The following CORO2B variants were observed in gnomAD, a reference collection of about 807,000 sequenced individuals.
CORO2B encodes the protein coronin 2B.
Under a neutral mutation model 58.8 loss-of-function variants are expected in CORO2B, and 26 were observed. That is an observed-to-expected ratio of 0.44 (90% CI 0.32 to 0.61). CORO2B has a LOEUF of 0.61. CORO2B is among the 20% of genes least tolerant of loss of function. CORO2B has a pLI of 0.04. For missense variants in CORO2B, 460 were observed against 645.1 expected (o/e 0.71, Z 3.11); for synonymous variants, 242 against 253.8 (o/e 0.95, Z 0.44).
chr15:68,543,936 T>C, the CORO2B span, among the ~76,000 whole-genome samples: 1 of 152,174 alleles, frequency 6.6e-6, no homozygotes, highest in Non-Finnish European at 1.5e-5. Context: ...ATCCTGGCCC[T>C]TACCTCTCTC....
chr15:68,725,815 C>T, intron 11 of CORO2B, 28 bp from the exon 12 acceptor site: 1 of 1,612,388 alleles, frequency 6.2e-7, no homozygotes, highest in South Asian at 1.1e-5. Context: ...CTGGGCCCTC[C>T]TTGGCCCCCT....
chr15:68,708,787 C>T (rs1892844831), intron 3 of CORO2B, among the ~76,000 whole-genome samples: 1 of 152,116 alleles, frequency 6.6e-6, no homozygotes, highest in South Asian at 2.1e-4. Context: ...TTAAGGGATC[C>T]TCCCACCTCA....
chr15:68,559,850 C>G, the CORO2B span, among the ~76,000 whole-genome samples: 2 of 152,234 alleles, frequency 1.3e-5, no homozygotes, highest in Non-Finnish European at 2.9e-5. This position sits in a 1 kb window ranked among gnomAD's most constrained non-coding sequence, Gnocchi z 4.3. Flanking sequence ...CAAACGCGCG[C>G]GCACGGAGAG....
chr15:68,702,145 A>T (rs893281005), intron 3 of CORO2B, among the ~76,000 whole-genome samples: 1 of 152,108 alleles, frequency 6.6e-6, no homozygotes, highest in African/African-American at 2.4e-5. Context: ...GGGCACGGGC[A>T]GGAGTGTGGA....
intron 3 of CORO2B, among the ~76,000 whole-genome samples, chr15:68,706,388 C>T (rs1448584576): frequency 3.9e-5 from 6 of 152,224 alleles, no homozygotes; most frequent in South Asian, 4.1e-4. Flanking sequence ...ACAGGCTCTC[C>T]GTCTGCATGC....
At chr15:68,557,529 C>T in the CORO2B span, among the ~76,000 whole-genome samples, 16 of 152,226 alleles carry the variant, frequency 1.1e-4, no homozygotes, top group African/African-American at 3.6e-4. Flanking sequence ...CAAGGTCATA[C>T]ATCTGGAAAA....
the CORO2B span, among the ~76,000 whole-genome samples, chr15:68,529,029 C>A: frequency 6.6e-6 from 1 of 152,194 alleles, no homozygotes; most frequent in African/African-American, 2.4e-5. Context: ...ATTAGTCTTT[C>A]TCTTTGCCTC....
At chr15:68,525,276 A>G in the CORO2B span, among the ~76,000 whole-genome samples, 3 of 152,256 alleles carry the variant, frequency 2.0e-5, no homozygotes, top group African/African-American at 7.2e-5. Context: ...GACGGGGGAC[A>G]GATACAAACT....
chr15:68,616,687 T>G (rs1049298419), intron 1 of CORO2B: 17 of 909,568 alleles, frequency 1.9e-5, no homozygotes, highest in Non-Finnish European at 2.2e-5. Flanking sequence ...AGATCTCCCA[T>G]GGGCGAGGGC....
At chr15:68,556,553 A>G in the CORO2B span, among the ~76,000 whole-genome samples, 1 of 152,234 alleles carries the variant, frequency 6.6e-6, no homozygotes, top group Admixed American at 6.5e-5. Flanking sequence ...TGAGGGTCGA[A>G]AGGACCCCCA....
At chr15:68,646,668 C>A (rs975645248) in intron 2 of CORO2B, among the ~76,000 whole-genome samples, 2 of 152,162 alleles carry the variant, frequency 1.3e-5, no homozygotes, top group African/African-American at 4.8e-5. Flanking sequence ...CCTCTCTGAC[C>A]CTTATTTTCC....
chr15:68,669,156 A>C (rs1902300805), intron 2 of CORO2B, among the ~76,000 whole-genome samples: 1 of 151,140 alleles, frequency 6.6e-6, no homozygotes. Context: ...AAAGAAAAAG[A>C]AAAGAAAGAA....
At chr15:68,650,999 A>T (rs1423826255) in intron 2 of CORO2B, among the ~76,000 whole-genome samples, 1 of 152,184 alleles carries the variant, frequency 6.6e-6, no homozygotes, top group East Asian at 1.9e-4. Flanking sequence ...CTCCCAGAGT[A>T]ACACCTGAAT....
At chr15:68,621,819 C>G (rs1900530297) in intron 1 of CORO2B, among the ~76,000 whole-genome samples, 1 of 148,570 alleles carries the variant, frequency 6.7e-6, no homozygotes, top group African/African-American at 2.5e-5. Flanking sequence ...GACAGTGGTG[C>G]AATCATGGGT....
chr15:68,529,732 T>C, the CORO2B span, among the ~76,000 whole-genome samples: 1 of 152,224 alleles, frequency 6.6e-6, no homozygotes, highest in Admixed American at 6.5e-5. Flanking sequence ...TTTCTAAAGA[T>C]GAAAGCTTAG....
At chr15:68,608,304 C>T (rs181166814) in intron 1 of CORO2B, among the ~76,000 whole-genome samples, 2 of 152,330 alleles carry the variant, frequency 1.3e-5, no homozygotes, top group East Asian at 3.9e-4. Flanking sequence ...AGCCCAGACC[C>T]GAACATTGGT....
At chr15:68,587,049 TACACACACACAC>T (rs58729813) in intron 1 of CORO2B, among the ~76,000 whole-genome samples, 2,357 of 57,884 alleles carry the variant, frequency 0.041, 84 homozygotes, top group African/African-American at 0.1. Flanking sequence ...GAGATATGTA[TACACACACACAC>T]ACACACACAC....
rs560360498 is a variant in CORO2B, at chr15:68,579,945, A to C, written c.15+668A>C. On this transcript the variant is annotated intron_variant, in intron 1 of 11. Coordinates refer to ENST00000261861, the MANE Select transcript of CORO2B (RefSeq NM_006091.5). ...GGCCTTGTCATAGGGGCCCACGTTT[A>C]TTGGAGAGACTTCAGGGGCTTCCTA... Among the ~76,000 whole-genome samples, 19 of 152,350 alleles carry C rather than the reference A, an allele frequency of 1.2e-4. 1 individual carries two copies. The highest frequency in any genetic ancestry group is 1.2e-3 in the Admixed American group (18 of 15,306).
chr15:68,705,543 C>T (rs1403032655), intron 3 of CORO2B, among the ~76,000 whole-genome samples: 2 of 152,156 alleles, frequency 1.3e-5, no homozygotes, highest in Admixed American at 1.3e-4. Context: ...CTCTCTCCCT[C>T]TCTGTGGGAT....
Sources: gnomAD v4.1 joint callset for allele counts (sites outside exome capture counted in the v4.1 genomes callset) on GRCh38, gnomAD v4.1.1 for gene constraint, Gnocchi (gnomAD v3.1) non-coding constraint, MANE v1.5 for transcripts, NCBI Gene and HGNC (gene_info 2026-07-23, HGNC 2026-07-21) for gene names.